The following DYM variants were observed in gnomAD, a reference collection of about 807,000 sequenced individuals.
DYM encodes dymeclin, also known as dyggve-Melchior-Clausen syndrome protein.
A neutral mutation model predicts 93.1 loss-of-function variants in DYM; 78 were observed. The observed-to-expected ratio is 0.84, with a 90% CI of 0.70 to 1.01. The LOEUF is 1.01. Ranked by LOEUF, DYM falls within the 50% of genes least tolerant of loss-of-function variation. DYM has a pLI of 0.00. For synonymous variants in DYM, 321 were observed against 319.7 expected (o/e 1.00, Z -0.04); for missense variants, 789 against 845.0 (o/e 0.93, Z 0.82).
Position 49,362,695 on chromosome 18 carries a change from T to C in DYM, c.494+466A>G, listed in dbSNP as rs538924871. Among the ~76,000 whole-genome samples the C allele has an allele frequency of 1.3e-3, 205 of 152,256 alleles. 1 individual carries two copies. The highest frequency in any genetic ancestry group is 2.1e-3 in the Non-Finnish European group (143 of 68,014). ...TAGAGAGCTTTACCCAGAGGTTTCATTGGAGGACCTTCCCCTACATCTCAC... is the reference window on the plus strand; with the variant it reads ...TAGAGAGCTTTACCCAGAGGTTTCACTGGAGGACCTTCCCCTACATCTCAC... On this transcript the variant is annotated intron_variant, in intron 6 of 17. Coordinates refer to ENST00000675505, the MANE Select transcript of DYM (RefSeq NM_001353214.3).
Position 49,129,428 on chromosome 18 carries a change from A to T in DYM, c.1729-10502T>A, listed in dbSNP as rs372578748. ...CAGAATATGATTTCACAAGGCAACC[A>T]GATAAATGAATTCCAAAGAGGGTCA... On this transcript the variant is annotated intron_variant, in intron 15 of 17. Coordinates refer to ENST00000675505, the MANE Select transcript of DYM (RefSeq NM_001353214.3). Among the ~76,000 whole-genome samples the T allele has an allele frequency of 3.3e-5, 5 of 152,364 alleles. No homozygotes were observed. The East Asian group carries it at 5.8e-4, about 18-fold the overall frequency.
At chr18:49,404,717 C>T (rs1053693847) in intron 2 of DYM, among the ~76,000 whole-genome samples, 2 of 152,086 alleles carry the variant, frequency 1.3e-5, no homozygotes, top group South Asian at 4.1e-4. Flanking sequence ...ATATGTCTCC[C>T]TTTGAAAACT....
chr18:49,164,169 A>C (rs975895038), intron 14 of DYM, among the ~76,000 whole-genome samples: 12 of 152,168 alleles, frequency 7.9e-5, no homozygotes, highest in Admixed American at 1.3e-4. Context: ...CTTCTGAAAA[A>C]GTGTGTTGGA....
intron 8 of DYM, among the ~76,000 whole-genome samples, chr18:49,304,316 A>T (rs1035547407): frequency 6.6e-6 from 1 of 152,166 alleles, no homozygotes; most frequent in Non-Finnish European, 1.5e-5. Flanking sequence ...CAACAGCCTT[A>T]ACCCAACAAA....
At chr18:49,083,531 T>C (rs968418308) in intron 17 of DYM, among the ~76,000 whole-genome samples, 2 of 152,316 alleles carry the variant, frequency 1.3e-5, no homozygotes, top group African/African-American at 4.8e-5. Context: ...ATGAGCTGGG[T>C]AGCATTCCTT....
intron 1 of DYM, among the ~76,000 whole-genome samples, chr18:49,434,208 G>A (rs1019191789): frequency 2.0e-5 from 3 of 152,094 alleles, no homozygotes; most frequent in Admixed American, 6.6e-5. Context: ...TTAGCCAGGT[G>A]TGGTGGCACA....
chr18:49,080,731 C>A (rs1391982539), intron 17 of DYM, among the ~76,000 whole-genome samples: 14 of 147,064 alleles, frequency 9.5e-5, no homozygotes, highest in African/African-American at 3.5e-4. Context: ...CAGAGGGGCT[C>A]CTCACTTCTC....
intron 14 of DYM, among the ~76,000 whole-genome samples, chr18:49,188,517 T>A (rs140190908): frequency 6.6e-6 from 1 of 152,030 alleles, no homozygotes; most frequent in Admixed American, 6.6e-5. Flanking sequence ...CCATGAAAAA[T>A]GATGAGTTCA....
chr18:49,430,347 G>C lies in DYM; in HGVS notation c.48C>G (p.Tyr16Ter), dbSNP rs120074161. 6.2e-7 allele frequency: 1 copy of C among 1,613,986 alleles called. No individual in the cohort carries two copies. The highest frequency in any genetic ancestry group is 1.7e-5 in the Admixed American group (1 of 60,012). ...ATTCCGTGCCTGATAACTTTTTCAA[G>C]TACTCATTTTTAGGAAGATCGCCGA... ...SRIGDLPKNE[Y>*]LKKLSGTESI... is the part of the protein sequence containing the mutation. Residue 16 changes from tyrosine to a stop codon, truncating the protein, a stop_gained, in exon 2 of 18, where the codon TAC becomes TAG. Transcript: ENST00000675505. LOFTEE classifies it high-confidence loss of function.
chr18:49,318,685 TTATTTAAG>T (rs2062202572), intron 8 of DYM, among the ~76,000 whole-genome samples: 1 of 152,132 alleles, frequency 6.6e-6, no homozygotes, highest in East Asian at 1.9e-4. Context: ...CCACAATTTT[TTATTTAAG>T]AAATTATCTT....
At chr18:49,208,223 C>T (rs2092618444) in intron 14 of DYM, among the ~76,000 whole-genome samples, 1 of 150,366 alleles carries the variant, frequency 6.7e-6, no homozygotes, top group South Asian at 2.1e-4. Flanking sequence ...AAAAAGACGT[C>T]AATTATCCTG....
At chr18:49,259,660 GTATGA>G (rs1568121963) in intron 11 of DYM, among the ~76,000 whole-genome samples, 1 of 152,108 alleles carries the variant, frequency 6.6e-6, no homozygotes, top group Non-Finnish European at 1.5e-5. Flanking sequence ...TGTACTAATG[GTATGA>G]TATATTTTTT....
chr18:49,369,111 G>A (rs538686605), intron 5 of DYM, among the ~76,000 whole-genome samples: 22 of 152,306 alleles, frequency 1.4e-4, no homozygotes, highest in Admixed American at 1.2e-3. Context: ...CCTTTTCCCC[G>A]TTTTGGTTCA....
chr18:49,361,258 G>A (rs2065993782), intron 6 of DYM, among the ~76,000 whole-genome samples: 1 of 152,074 alleles, frequency 6.6e-6, no homozygotes, highest in African/African-American at 2.4e-5. Context: ...ACTTTCCTGG[G>A]TGCATACCAC....
chr18:49,222,073 G>T (rs1029925957), intron 13 of DYM, among the ~76,000 whole-genome samples: 2 of 151,626 alleles, frequency 1.3e-5, no homozygotes, highest in African/African-American at 2.4e-5. Context: ...TACTCAGTGG[G>T]TTATATTCTA....
intron 13 of DYM, among the ~76,000 whole-genome samples, chr18:49,211,235 C>G (rs2092768579): frequency 6.6e-6 from 1 of 152,130 alleles, no homozygotes; most frequent in South Asian, 2.1e-4. Flanking sequence ...AAATTTTAAA[C>G]CGCTCCAAGA....
chr18:49,188,016 C>T (rs1213221284), intron 14 of DYM, among the ~76,000 whole-genome samples: 1 of 152,154 alleles, frequency 6.6e-6, no homozygotes, highest in Non-Finnish European at 1.5e-5. Context: ...TTAAAAAGCA[C>T]TACTCAAATA....
At chr18:49,280,990 G>T (rs910925197) in intron 10 of DYM, among the ~76,000 whole-genome samples, 13 of 152,134 alleles carry the variant, frequency 8.5e-5, no homozygotes, top group African/African-American at 3.1e-4. Flanking sequence ...CACAGCAAAA[G>T]AAACTACCAT....
intron 1 of DYM, among the ~76,000 whole-genome samples, chr18:49,435,861 A>C (rs1166895309): frequency 1.3e-5 from 2 of 152,182 alleles, no homozygotes; most frequent in African/African-American, 4.8e-5. Flanking sequence ...TCAGACTAAT[A>C]GGTACTTTCT....
Sources: allele counts gnomAD v4.1 joint callset (sites outside exome capture counted in the v4.1 genomes callset), GRCh38; gene constraint gnomAD v4.1.1; transcripts MANE v1.5; gene names NCBI Gene and HGNC (gene_info 2026-07-23, HGNC 2026-07-21).